Variants in ERCC6L2 observed in about 807,000 individuals in gnomAD.
ERCC6L2 encodes the protein ERCC excision repair 6 like 2.
A neutral mutation model predicts 132.0 loss-of-function variants in ERCC6L2; 77 were observed. The ratio of observed to expected loss-of-function variants is 0.58; its 90% CI spans 0.49 to 0.71. ERCC6L2 has a LOEUF of 0.71. Ranked by LOEUF, ERCC6L2 falls within the 30% of genes least tolerant of loss-of-function variation. The probability of loss-of-function intolerance (pLI) is 0.00; values close to 1 mark genes in which losing one functional copy is unlikely to be tolerated. For missense variants in ERCC6L2, 1,542 were observed against 1,837.6 expected (o/e 0.84, Z 2.94); for synonymous variants, 583 against 632.4 (o/e 0.92, Z 1.17).
At chr9:96,007,877 C>T (rs1833910447) in intron 18 of ERCC6L2, among the ~76,000 whole-genome samples, 1 of 152,150 alleles carries the variant, frequency 6.6e-6, no homozygotes, top group South Asian at 2.1e-4. Flanking sequence ...GGAAATGTCT[C>T]TGGGTTCAAA....
rs762944138 is a variant in ERCC6L2 at position 95,881,120 on chromosome 9, CCAT to C, written c.303_305del (p.Ser103del). 2.5e-6 allele frequency: 4 copies of C among 1,613,446 alleles called. No homozygotes were observed. The African/African-American group carries it at 5.3e-5, about 22-fold the overall frequency. On this transcript the variant is annotated inframe_deletion, in exon 2 of 19. Transcript: ENST00000653738. The stretch of plus-strand genomic sequence containing the variant: ...ACCTTATTTCCCAAACCGAAAATTT[CCAT>C]CATCTTCTGTTGCTTTTAAATTATC...
chr9:95,969,479 G>T (rs893286380), intron 14 of ERCC6L2, among the ~76,000 whole-genome samples: 1 of 152,070 alleles, frequency 6.6e-6, no homozygotes, highest in African/African-American at 2.4e-5. Flanking sequence ...ATTTGCTGAC[G>T]GGTCAGATAC....
rs1829580525 is a variant in ERCC6L2, at chr9:95,916,237, G to A, written c.961G>A (p.Gly321Ser). The A allele has an allele frequency of 6.2e-7, 1 of 1,614,094 alleles. No individual in the cohort carries two copies. Among genetic ancestry groups the A allele is most frequent in the Non-Finnish European group, 8.5e-7 (1 of 1,179,980 alleles). ...ATTGTCTTTATAAAGGGCTGTGCCA[G>A]GCCTTTTAGGGAGTGGGACCTACTT... is the stretch of plus-strand genomic sequence containing the variant. ...LWCVMDWAVP[G>S]LLGSGTYFKK... The change falls in exon 6 of 19, where the codon GGC (glycine) becomes AGC (serine). Residue 321 changes from glycine (G) to serine (S), a missense_variant. Around this residue, in one of 4 missense-constraint regions of ERCC6L2, gnomAD observed 945 missense variants for 1,105.2 expected, o/e 0.86. Coordinates refer to ENST00000653738, the MANE Select transcript of ERCC6L2 (RefSeq NM_020207.7).
intron 12 of ERCC6L2, among the ~76,000 whole-genome samples, chr9:95,953,998 T>C (rs896090364): frequency 9.9e-5 from 15 of 152,208 alleles, no homozygotes; most frequent in African/African-American, 3.6e-4. Flanking sequence ...TATGGTAAGG[T>C]AGGAACTGTC....
At chr9:96,020,396 T>G (rs141035312), downstream of ERCC6L2, 62 of 243,422 alleles carry the variant, frequency 2.5e-4, no homozygotes, top group East Asian at 7.1e-3. Context: ...ACACCCGGGA[T>G]GCTCCAGAGG....
intron 19 of ERCC6L2, among the ~76,000 whole-genome samples, chr9:96,037,462 G>C (rs1274931630): frequency 1.3e-5 from 2 of 152,184 alleles, no homozygotes; most frequent in Non-Finnish European, 2.9e-5. Flanking sequence ...TGTTATTATT[G>C]TCTTGTTTTA....
chr9:95,961,856 A>G (rs369088402), intron 13 of ERCC6L2, among the ~76,000 whole-genome samples: 31 of 152,284 alleles, frequency 2.0e-4, no homozygotes, highest in Non-Finnish European at 3.5e-4. Flanking sequence ...CACATCTTGC[A>G]TGGAGGCAGG....
At chr9:95,959,822 T>C (rs1279063253) in intron 13 of ERCC6L2, among the ~76,000 whole-genome samples, 1 of 151,724 alleles carries the variant, frequency 6.6e-6, no homozygotes, top group Non-Finnish European at 1.5e-5. Flanking sequence ...CCCAAAATTG[T>C]AAGGAGTCCT....
chr9:95,968,704 A>G (rs1832276729), intron 14 of ERCC6L2: 1 of 152,128 alleles, frequency 6.6e-6, no homozygotes, highest in Admixed American at 6.6e-5. Flanking sequence ...TCCATTATCT[A>G]TATTATGGTT....
chr9:95,935,593 A>T (rs1376657758), intron 11 of ERCC6L2, among the ~76,000 whole-genome samples: 1 of 152,210 alleles, frequency 6.6e-6, no homozygotes, highest in African/African-American at 2.4e-5. Context: ...AGAAAGATTT[A>T]GTTCAGGCTT....
chr9:96,022,356 G>A (rs1380614927), downstream of ERCC6L2, among the ~76,000 whole-genome samples: 1 of 152,210 alleles, frequency 6.6e-6, no homozygotes, highest in Non-Finnish European at 1.5e-5. Flanking sequence ...AAGGCTGCAG[G>A]GGACATCGGC....
chr9:95,933,718 C>CCTA (rs1830439618), intron 11 of ERCC6L2, among the ~76,000 whole-genome samples: 1 of 151,918 alleles, frequency 6.6e-6, no homozygotes, highest in Non-Finnish European at 1.5e-5. Flanking sequence ...GCGGTTCATG[C>CCTA]CTGTAGTCCC....
At chr9:95,997,180 C>T (rs544141742) in intron 17 of ERCC6L2, among the ~76,000 whole-genome samples, 2 of 152,308 alleles carry the variant, frequency 1.3e-5, no homozygotes, top group Admixed American at 6.5e-5. Flanking sequence ...AAAGGAGTCA[C>T]CATTTTAGAT....
chr9:96,005,788 G>GATGGT (rs1292520866), intron 18 of ERCC6L2, among the ~76,000 whole-genome samples: 1 of 152,182 alleles, frequency 6.6e-6, no homozygotes, highest in Non-Finnish European at 1.5e-5. Flanking sequence ...CTTTTTAAAA[G>GATGGT]ATGGTTCCAG....
At chr9:96,039,285 G>A (rs919989938) in intron 20 of ERCC6L2, among the ~76,000 whole-genome samples, 10 of 152,304 alleles carry the variant, frequency 6.6e-5, no homozygotes, top group Non-Finnish European at 8.8e-5. Flanking sequence ...CCCAGCCAGA[G>A]GTGCAAGGGG....
intron 19 of ERCC6L2, among the ~76,000 whole-genome samples, chr9:96,029,314 AAAAAAAAAAC>A (rs1834424245): frequency 1.3e-5 from 2 of 150,094 alleles, no homozygotes; most frequent in African/African-American, 2.4e-5. Flanking sequence ...AAAAAAAAAA[AAAAAAAAAAC>A]AAAAAAAAAA....
intron 2 of ERCC6L2, 29 bp from the exon 3 acceptor site, chr9:95,897,820 C>T: frequency 6.2e-7 from 1 of 1,610,608 alleles, no homozygotes. Flanking sequence ...ACATTATACA[C>T]AGTGATTGAA....
chr9:96,024,429 G>A (rs62559769), intron 19 of ERCC6L2, among the ~76,000 whole-genome samples: 16,421 of 152,176 alleles, frequency 0.11, 967 homozygotes, highest in African/African-American at 0.13. Flanking sequence ...GGTGGCCCAC[G>A]GCATCCATAG....
rs573026730 is a variant in ERCC6L2 at position 96,016,700 on chromosome 9, C to T, written c.*3497C>T. ...TTTTCTAATTAAAGTTCAATGTGTACGCTTTTAAATTCTGAAGTTATCCTT... is the reference window on the plus strand; with the variant it reads ...TTTTCTAATTAAAGTTCAATGTGTATGCTTTTAAATTCTGAAGTTATCCTT... On this transcript the variant is annotated 3_prime_UTR_variant, in exon 19 of 19. Coordinates refer to ENST00000653738, the MANE Select transcript of ERCC6L2 (RefSeq NM_020207.7). Among the ~76,000 whole-genome samples the T allele has an allele frequency of 4.6e-5, 7 of 152,332 alleles. No individual in the cohort carries two copies. The South Asian group carries it at 6.2e-4, about 14-fold the overall frequency.
Sources: allele counts gnomAD v4.1 joint callset (sites outside exome capture counted in the v4.1 genomes callset), GRCh38; gene constraint gnomAD v4.1.1; regional missense constraint gnomAD v4.1.1; transcripts MANE v1.5; gene names NCBI Gene and HGNC (gene_info 2026-07-23, HGNC 2026-07-21).